Variants in KCNK10 observed in about 807,000 individuals in gnomAD.
KCNK10 encodes the protein potassium channel subfamily K member 10.
A neutral mutation model predicts 47.7 loss-of-function variants in KCNK10; 25 were observed. The observed-to-expected ratio is 0.52, with a 90% CI of 0.38 to 0.73. KCNK10 has a LOEUF of 0.73. KCNK10 is among the 30% of genes least tolerant of loss of function. The pLI is 0.00. For missense variants in KCNK10, 563 were observed against 714.5 expected (o/e 0.79, Z 2.42); for synonymous variants, 303 against 285.6 (o/e 1.06, Z -0.61).
chr14:88,252,907 T>C (rs987958301), intron 2 of KCNK10, among the ~76,000 whole-genome samples: 2 of 152,048 alleles, frequency 1.3e-5, no homozygotes, highest in African/African-American at 4.8e-5. Context: ...GTTGTTTGAG[T>C]GGGTTTTCCC....
intron 1 of KCNK10, among the ~76,000 whole-genome samples, chr14:88,281,156 G>C (rs981130855): frequency 6.6e-6 from 1 of 152,066 alleles, no homozygotes; most frequent in Non-Finnish European, 1.5e-5. Context: ...GTTTCCACTC[G>C]GTTACCACTC....
intron 4 of KCNK10, among the ~76,000 whole-genome samples, chr14:88,211,250 A>G (rs80158151): frequency 0.028 from 4,233 of 152,342 alleles, 350 homozygotes; most frequent in East Asian, 0.24. Context: ...AATAGGCCAG[A>G]CACAAAAGGA....
intron 4 of KCNK10, among the ~76,000 whole-genome samples, chr14:88,226,750 T>G (rs1885998887): frequency 6.6e-6 from 1 of 152,206 alleles, no homozygotes; most frequent in Admixed American, 6.5e-5. Context: ...TTGAGATAGT[T>G]GTCTCTTGTT....
At chr14:88,312,409 C>G (rs1271078623) in intron 1 of KCNK10, among the ~76,000 whole-genome samples, 1 of 152,242 alleles carries the variant, frequency 6.6e-6, no homozygotes, top group Admixed American at 6.5e-5. Flanking sequence ...CACCCCCAGG[C>G]ACACGGTCCC....
At chr14:88,200,251 A>T (rs772472022) in intron 4 of KCNK10, among the ~76,000 whole-genome samples, 6 of 152,112 alleles carry the variant, frequency 3.9e-5, no homozygotes, top group Admixed American at 2.0e-4. Flanking sequence ...TAAAATAAGC[A>T]TTAAGAAATC....
At chr14:88,244,268 T>C (rs1013206972) in intron 2 of KCNK10, among the ~76,000 whole-genome samples, 1 of 152,240 alleles carries the variant, frequency 6.6e-6, no homozygotes, top group Non-Finnish European at 1.5e-5. Flanking sequence ...ATAATAATTC[T>C]AATTGAGTTT....
At chr14:88,296,001 C>A (rs1385755874) in intron 1 of KCNK10, among the ~76,000 whole-genome samples, 1 of 152,198 alleles carries the variant, frequency 6.6e-6, no homozygotes, top group Admixed American at 6.5e-5. Context: ...GCCTGCTGGG[C>A]AACCATCCCC....
intron 1 of KCNK10, among the ~76,000 whole-genome samples, chr14:88,306,443 G>C (rs572617084): frequency 3.9e-5 from 6 of 152,292 alleles, no homozygotes; most frequent in African/African-American, 1.4e-4. Context: ...TGAGAGAACA[G>C]AGCAGGACAA....
At chr14:88,211,298 A>G (rs1347455424) in intron 4 of KCNK10, among the ~76,000 whole-genome samples, 5 of 152,218 alleles carry the variant, frequency 3.3e-5, no homozygotes, top group African/African-American at 1.2e-4. Flanking sequence ...AGGTTCCCGG[A>G]GTGGTGAAAT....
At chr14:88,220,103 C>T (rs1357804282) in intron 4 of KCNK10, among the ~76,000 whole-genome samples, 1 of 152,166 alleles carries the variant, frequency 6.6e-6, no homozygotes, top group Non-Finnish European at 1.5e-5. Context: ...GGAGGACTGA[C>T]ACTAACTGGC....
intron 2 of KCNK10, among the ~76,000 whole-genome samples, chr14:88,246,361 A>AT (rs1216586447): frequency 5.9e-5 from 9 of 152,026 alleles, no homozygotes; most frequent in Non-Finnish European, 1.2e-4. Context: ...GGCAGACCAC[A>AT]TTCATTACTA....
chr14:88,255,542 A>T (rs1886928964), intron 2 of KCNK10, among the ~76,000 whole-genome samples: 1 of 151,448 alleles, frequency 6.6e-6, no homozygotes, highest in Non-Finnish European at 1.5e-5. Flanking sequence ...AAAAAAAAAA[A>T]AAAATTAAAA....
chr14:88,207,871 T>C (rs1422054051), intron 4 of KCNK10, among the ~76,000 whole-genome samples: 1 of 152,092 alleles, frequency 6.6e-6, no homozygotes, highest in African/African-American at 2.4e-5. Context: ...GTTGACCTCA[T>C]TTAGAAGTCA....
At chr14:88,300,850 T>A (rs374709001) in intron 1 of KCNK10, among the ~76,000 whole-genome samples, 3 of 95,808 alleles carry the variant, frequency 3.1e-5, no homozygotes, top group African/African-American at 1.0e-4. Context: ...TTAGTTTTAT[T>A]TATCATATGT....
rs534299024 is a variant in KCNK10, at chr14:88,185,589, C to T, written c.1578G>A (p.Thr526=). Residue 526 remains threonine (T), a synonymous_variant, in exon 7 of 7, where the codon ACG becomes ACA. Coordinates refer to ENST00000319231, the MANE Select transcript of KCNK10 (RefSeq NM_138317.3). This position sits in a 1 kb window ranked among gnomAD's most constrained non-coding sequence, Gnocchi z 4.3. ...HAELENGMIP[T]DTKDREPENN... ...TCTCCGGCTCCCGGTCTTTGGTGTC[C>T]GTGGGTATCATTCCGTTCTCCAACT... 35 of 1,614,008 alleles carry T rather than the reference C, an allele frequency of 2.2e-5. No homozygotes were observed. The highest frequency in any genetic ancestry group is 1.6e-4 in the Middle Eastern group (1 of 6,062).
intron 4 of KCNK10, among the ~76,000 whole-genome samples, chr14:88,208,341 G>A (rs1885347572): frequency 6.6e-6 from 1 of 152,174 alleles, no homozygotes; most frequent in Admixed American, 6.5e-5. Flanking sequence ...CACGGAAGCA[G>A]GTGTCACATA....
chr14:88,265,634 C>A (rs776569634), intron 1 of KCNK10, among the ~76,000 whole-genome samples: 5 of 152,178 alleles, frequency 3.3e-5, no homozygotes, highest in African/African-American at 4.8e-5. Context: ...GTTCAGGTTT[C>A]CTGATATGGT....
chr14:88,217,501 T>C (rs1436319541), intron 4 of KCNK10, among the ~76,000 whole-genome samples: 1 of 152,218 alleles, frequency 6.6e-6, no homozygotes, highest in Non-Finnish European at 1.5e-5. Flanking sequence ...AATACCCAGT[T>C]TCCAAAACAG....
intron 1 of KCNK10, among the ~76,000 whole-genome samples, chr14:88,285,953 A>G (rs1426912478): frequency 6.6e-6 from 1 of 152,168 alleles, no homozygotes; most frequent in Non-Finnish European, 1.5e-5. Flanking sequence ...GTGACCTCCA[A>G]AGCTAAATAA....
Sources: allele counts gnomAD v4.1 joint callset (sites outside exome capture counted in the v4.1 genomes callset), GRCh38; gene constraint gnomAD v4.1.1; non-coding constraint Gnocchi (gnomAD v3.1); transcripts MANE v1.5; gene names NCBI Gene and HGNC (gene_info 2026-07-23, HGNC 2026-07-21).